Variants in NFATC2IP observed in about 807,000 individuals in gnomAD.
The protein encoded by NFATC2IP is NFATC2-interacting protein.
A neutral mutation model predicts 40.2 loss-of-function variants in NFATC2IP; 25 were observed. That is an observed-to-expected ratio of 0.62 (90% confidence interval 0.45 to 0.87). The LOEUF is 0.87. NFATC2IP is among the 40% of genes least tolerant of loss of function. The probability of loss-of-function intolerance (pLI) is 0.00; values close to 1 mark genes in which losing one functional copy is unlikely to be tolerated. For synonymous variants in NFATC2IP, 241 were observed against 236.3 expected (o/e 1.02, Z -0.18); for missense variants, 553 against 555.6 (o/e 1.00, Z 0.05).
intron 7 of NFATC2IP, among the ~76,000 whole-genome samples, chr16:28,960,178 G>A (rs896790468): frequency 6.6e-6 from 1 of 152,108 alleles, no homozygotes; most frequent in East Asian, 1.9e-4. Context: ...TGTTGGGCTA[G>A]CCCCACTCTA....
chr16:28,951,882 G>A (rs1215466693), intron 1 of NFATC2IP, among the ~76,000 whole-genome samples: 1 of 152,086 alleles, frequency 6.6e-6, no homozygotes, highest in Non-Finnish European at 1.5e-5. Context: ...GGGGCGGCTA[G>A]TAACCTAGTT....
chr16:28,956,458 C>A, intron 5 of NFATC2IP, 121 bp downstream of exon 5: 1 of 690,664 alleles, frequency 1.4e-6, no homozygotes, highest in Non-Finnish European at 2.4e-6. Flanking sequence ...CTCTCTAGAG[C>A]TGCCCATCAT....
intron 2 of NFATC2IP, chr16:28,952,564 A>G (rs562985024): frequency 4.0e-6 from 1 of 249,748 alleles, no homozygotes; most frequent in South Asian, 5.4e-5. Flanking sequence ...GTCCTCCCCC[A>G]CTGATGCATT....
chr16:28,961,848 C>T (rs1965090747), intron 7 of NFATC2IP, among the ~76,000 whole-genome samples: 2 of 134,988 alleles, frequency 1.5e-5, no homozygotes, highest in African/African-American at 5.4e-5. Context: ...TGCAGTGAGC[C>T]AAGATCAAGC....
intron 2 of NFATC2IP, 108 bp from the exon 3 acceptor site, chr16:28,954,457 G>A (rs1464031156): frequency 2.9e-6 from 2 of 683,308 alleles, no homozygotes; most frequent in South Asian, 1.8e-5. Context: ...GGGCTCCGTG[G>A]TCTCCTCCTT....
intron 3 of NFATC2IP, among the ~76,000 whole-genome samples, chr16:28,955,130 G>T (rs1446767923): frequency 6.6e-6 from 1 of 152,080 alleles, no homozygotes. Flanking sequence ...GGAGTTAGAG[G>T]CTGCAGTGAG....
rs934671143 is a variant in NFATC2IP, at chr16:28,964,300, G to T, written c.*437G>T. ...CAGCAGAGGCCTTAGTCCCATTTGG[G>T]GCTTGGGAGTGACATTTGCTTGAGG... On this transcript the variant is annotated 3_prime_UTR_variant, in exon 8 of 8. Transcript: ENST00000320805. 1 of 166,058 alleles carries T rather than the reference G, an allele frequency of 6.0e-6. No homozygotes were observed. Among genetic ancestry groups the T allele is most frequent in the Non-Finnish European group, 1.3e-5 (1 of 75,254 alleles). The allele number at this position is 166,058 out of a possible 1,614,324, so 10.3% of individuals were successfully genotyped here.
At chr16:28,952,265 G>T in intron 2 of NFATC2IP, 61 bp downstream of exon 2, 3 of 1,607,822 alleles carry the variant, frequency 1.9e-6, no homozygotes, top group Non-Finnish European at 2.5e-6. Context: ...AGAATTCCTG[G>T]GGTTTATATT....
intron 5 of NFATC2IP, 102 bp from the exon 6 acceptor site, chr16:28,958,615 C>A: frequency 1.0e-6 from 1 of 994,444 alleles, no homozygotes; most frequent in Non-Finnish European, 1.5e-6. Context: ...AGCTGAGGAG[C>A]TTAGCAAGTA....
At chr16:28,957,376 C>T (rs1219143532) in intron 5 of NFATC2IP, among the ~76,000 whole-genome samples, 1 of 150,914 alleles carries the variant, frequency 6.6e-6, no homozygotes, top group African/African-American at 2.4e-5. Context: ...GGCATGGTGG[C>T]TCATTCCTGT....
In NFATC2IP at chr16:28,958,736, T is replaced by C; in HGVS notation, c.866T>C (p.Val289Ala). Residue 289 changes from valine (V) to alanine (A), a missense_variant, in exon 6 of 8, where the codon GTG becomes GCG. Physicochemically the swap from Val to Ala is moderately conservative, Grantham distance 64. Coordinates refer to ENST00000320805, the MANE Select transcript of NFATC2IP (RefSeq NM_032815.4). ...PLRMSEPLQS[V>A]VDHMATHLGV... ...CCCTAGTCGGAGCCCCTGCAGAGTG[T>C]GGTGGACCACATGGCCACCCACCTT... 6.2e-7 allele frequency: 1 copy of C among 1,613,634 alleles called. No individual in the cohort carries two copies. The highest frequency in any genetic ancestry group is 8.5e-7 in the Non-Finnish European group (1 of 1,179,734).
intron 5 of NFATC2IP, chr16:28,956,661 G>A (rs549550314): frequency 1.9e-5 from 5 of 258,822 alleles, no homozygotes; most frequent in African/African-American, 4.5e-5. Flanking sequence ...TCAAGTGATC[G>A]TCCCTCATTG....
intron 3 of NFATC2IP, 74 bp downstream of exon 3, chr16:28,954,756 T>C (rs774856157): frequency 1.2e-6 from 1 of 850,204 alleles, no homozygotes; most frequent in African/African-American, 1.7e-5. Context: ...CAGGCAGGAC[T>C]CTTGGGTGAC....
chr16:28,961,899 CAAAAAAAAAAAA>C (rs1161300546), intron 7 of NFATC2IP, among the ~76,000 whole-genome samples: 2 of 49,124 alleles, frequency 4.1e-5, no homozygotes, highest in Non-Finnish European at 8.4e-5. Context: ...GACTTCGTCT[CAAAAAAAAAAAA>C]AAAAAAAAAA....
intron 7 of NFATC2IP, among the ~76,000 whole-genome samples, chr16:28,961,912 A>T (rs868049003): frequency 0.014 from 2,107 of 149,924 alleles, 53 homozygotes; most frequent in African/African-American, 0.047. Flanking sequence ...AAAAAAAAAA[A>T]AAAAAAAAAA....
chr16:28,951,346 GGCT>G lies in NFATC2IP; in HGVS notation c.337_339del (p.Leu113del). 1 of 1,418,372 alleles carries G rather than the reference GGCT, an allele frequency of 7.1e-7. No homozygotes were observed. The highest frequency in any genetic ancestry group is 9.2e-7 in the Non-Finnish European group (1 of 1,087,166). The allele number at this position is 1,418,372 out of a possible 1,614,324, so 87.9% of individuals were successfully genotyped here. A position where few individuals can be genotyped will look rare whatever the true frequency, so the allele number is the denominator to read the frequency against. On this transcript the variant is annotated inframe_deletion, in exon 1 of 8. Transcript: ENST00000320805. ...CGGGAGCCGGTCAGGCGGCGGCGGC[GGCT>G]GGTGCTGGATCCGGGGGAGGCGCCG... is the stretch of plus-strand genomic sequence containing the variant.
chr16:28,960,887 C>T (rs1042757250), intron 7 of NFATC2IP, among the ~76,000 whole-genome samples: 2 of 152,196 alleles, frequency 1.3e-5, no homozygotes, highest in Non-Finnish European at 2.9e-5. Context: ...CTGTTCATAA[C>T]AATATATGCA....
intron 5 of NFATC2IP, chr16:28,957,075 C>T (rs1461416874): frequency 2.6e-5 from 4 of 151,972 alleles, no homozygotes; most frequent in African/African-American, 9.7e-5. Context: ...ACTCTGTCGC[C>T]TAGGCTGGAG....
chr16:28,961,638 C>A (rs367554374), intron 7 of NFATC2IP, among the ~76,000 whole-genome samples: 1 of 151,844 alleles, frequency 6.6e-6, no homozygotes, highest in Non-Finnish European at 1.5e-5. Flanking sequence ...TGGTGGCTCA[C>A]GCCTGTAATC....
Sources: allele counts gnomAD v4.1 joint callset (sites outside exome capture counted in the v4.1 genomes callset), GRCh38; gene constraint gnomAD v4.1.1; transcripts MANE v1.5; gene names NCBI Gene and HGNC (gene_info 2026-07-23, HGNC 2026-07-21).